GPR157: variants seen among roughly 807,000 people sequenced by gnomAD.
The protein encoded by GPR157 is G protein-coupled receptor 157, also known as G-protein coupled receptor 157.
GPR157 carries 16 observed loss-of-function variants against 23.5 expected under a neutral mutation model. That is an observed-to-expected ratio of 0.68 (90% CI 0.46 to 1.04). GPR157 has a LOEUF of 1.04. Ranked by LOEUF, GPR157 falls within the 50% of genes least tolerant of loss-of-function variation. GPR157 has a pLI of 0.00. For missense variants in GPR157, 440 were observed against 460.7 expected (o/e 0.96, Z 0.41); for synonymous variants, 200 against 221.5 (o/e 0.90, Z 0.86).
intron 2 of GPR157, among the ~76,000 whole-genome samples, chr1:9,110,653 T>G (rs1180018791): frequency 6.6e-6 from 1 of 152,194 alleles, no homozygotes; most frequent in African/African-American, 2.4e-5. Context: ...GTTCCACATG[T>G]GCAGACTGGG....
At chr1:9,104,704 TA>T (rs768193248) in intron 3 of GPR157, 70 bp from the exon 4 acceptor site, 5 of 1,191,602 alleles carry the variant, frequency 4.2e-6, no homozygotes, top group Non-Finnish European at 5.9e-6. Flanking sequence ...CTGTTGCAAT[TA>T]AGAGAAACGG....
intron 2 of GPR157, 106 bp downstream of exon 2, chr1:9,111,170 C>G: frequency 1.0e-6 from 1 of 1,001,514 alleles, no homozygotes; most frequent in East Asian, 2.6e-5. Flanking sequence ...TGGTTCTGTC[C>G]CCAGAGACGC....
chr1:9,115,299 A>C (rs1638612799), intron 1 of GPR157, among the ~76,000 whole-genome samples: 1 of 152,212 alleles, frequency 6.6e-6, no homozygotes, highest in South Asian at 2.1e-4. Context: ...TTTATAAATA[A>C]TAATAAAGTA....
chr1:9,112,517 A>G (rs918429260), intron 1 of GPR157, among the ~76,000 whole-genome samples: 30 of 152,276 alleles, frequency 2.0e-4, no homozygotes, highest in African/African-American at 7.2e-4. Context: ...CAGTGGCACA[A>G]TCTCAGCTCA....
At chr1:9,106,761 C>T (rs941386754) in intron 2 of GPR157, among the ~76,000 whole-genome samples, 6 of 152,084 alleles carry the variant, frequency 3.9e-5, no homozygotes, top group Admixed American at 1.3e-4. Context: ...GTCAGGAGTT[C>T]GAGACCAGAC....
Position 9,107,569 on chromosome 1 carries a change from G to A in GPR157, c.598-1889C>T, listed in dbSNP as rs559176008. 2.0e-5 allele frequency among the ~76,000 whole-genome samples: 3 copies of A among 152,126 alleles called. No homozygotes were observed. The South Asian group carries it at 6.2e-4, about 32-fold the overall frequency. On this transcript the variant is annotated intron_variant, in intron 2 of 3. Transcript: ENST00000377411. ...GGAGGCTGAGGCGGGCAGATTACTT[G>A]AGGCCAGGTGTTCAAAACCAGCCTG...
Position 9,118,658 on chromosome 1 carries a change from T to G in GPR157, c.384-7169A>C, listed in dbSNP as rs1638736255. Among the ~76,000 whole-genome samples, 1 of 152,164 alleles carries G rather than the reference T, an allele frequency of 6.6e-6. No homozygotes were observed. Among genetic ancestry groups the G allele is most frequent in the South Asian group, 2.1e-4 (1 of 4,838 alleles). On this transcript the variant is annotated intron_variant, in intron 1 of 3. Transcript: ENST00000377411. This position sits in a 1 kb window ranked among gnomAD's most constrained non-coding sequence, Gnocchi z 4.6. The stretch of plus-strand genomic sequence containing the variant: ...CCAGAACCTCAGAATGTGAGTGTAT[T>G]TGAGAGATAGGGTCTTTCAAGAGGT...
intron 1 of GPR157, among the ~76,000 whole-genome samples, chr1:9,119,644 G>T (rs1250867668): frequency 1.3e-5 from 2 of 152,056 alleles, no homozygotes; most frequent in African/African-American, 4.8e-5. Context: ...CAGCTCCTAG[G>T]GCCCCCAATC....
At chr1:9,110,630 G>A (rs1638462522) in intron 2 of GPR157, among the ~76,000 whole-genome samples, 1 of 152,216 alleles carries the variant, frequency 6.6e-6, no homozygotes, top group Non-Finnish European at 1.5e-5. Context: ...TTGTGGCCAG[G>A]AGGAAGCCCC....
chr1:9,125,728 C>A (rs1017954073), intron 1 of GPR157, among the ~76,000 whole-genome samples: 6 of 152,176 alleles, frequency 3.9e-5, no homozygotes, highest in South Asian at 2.1e-4. Flanking sequence ...CCTGTTCCCC[C>A]ACTGTTGGAC....
rs1403565257 is a variant in GPR157, at chr1:9,121,819, G to A, written c.383+6826C>T. On this transcript the variant is annotated intron_variant, in intron 1 of 3. Coordinates refer to ENST00000377411, the MANE Select transcript of GPR157 (RefSeq NM_024980.5). ...AACCCTAGAGGGTGGATGAACGTGTGTGTGAGAGGCACGGGGGCTAGACCC... is the reference window on the plus strand; with the variant it reads ...AACCCTAGAGGGTGGATGAACGTGTATGTGAGAGGCACGGGGGCTAGACCC... 2.0e-5 allele frequency among the ~76,000 whole-genome samples: 3 copies of A among 152,160 alleles called. No individual in the cohort carries two copies. In the East Asian group the frequency reaches 5.8e-4, roughly 29 times the overall value.
intron 1 of GPR157, among the ~76,000 whole-genome samples, chr1:9,113,399 T>C (rs935719693): frequency 6.6e-6 from 1 of 152,120 alleles, no homozygotes; most frequent in Admixed American, 6.5e-5. Flanking sequence ...GCTGCAGGGC[T>C]GGCAGAGCAG....
Position 9,104,268 on chromosome 1 carries a change from T to C in GPR157, c.*151A>G, listed in dbSNP as rs2124504601. The C allele has an allele frequency of 1.6e-6, 1 of 619,018 alleles. No homozygotes were observed. The highest frequency in any genetic ancestry group is 2.0e-5 in the South Asian group (1 of 48,996). The allele number at this position is 619,018 out of a possible 1,614,324, so 38.3% of individuals were successfully genotyped here. A position where few individuals can be genotyped will look rare whatever the true frequency, so the allele number is the denominator to read the frequency against. On this transcript the variant is annotated 3_prime_UTR_variant, in exon 4 of 4. Coordinates refer to ENST00000377411, the MANE Select transcript of GPR157 (RefSeq NM_024980.5). ...ATCTAGGAGGTAGAAGAAGCTGAGTTGGCAGCTGCTCTCCCAATGGAGCCG... is the reference window on the plus strand; with the variant it reads ...ATCTAGGAGGTAGAAGAAGCTGAGTCGGCAGCTGCTCTCCCAATGGAGCCG...
At chr1:9,115,902 C>T (rs1638624703) in intron 1 of GPR157, among the ~76,000 whole-genome samples, 2 of 149,416 alleles carry the variant, frequency 1.3e-5, no homozygotes, top group Admixed American at 6.9e-5. Context: ...GATTGTCTAC[C>T]GCTGCTTTCA....
At chr1:9,114,074 C>T (rs995004085) in intron 1 of GPR157, among the ~76,000 whole-genome samples, 2 of 150,538 alleles carry the variant, frequency 1.3e-5, no homozygotes, top group Non-Finnish European at 3.0e-5. Context: ...AATCCCAGGA[C>T]TTTTGGGACT....
rs1041568961 is a variant in GPR157, at chr1:9,118,402, G to A, written c.384-6913C>T. Among the ~76,000 whole-genome samples the A allele has an allele frequency of 6.6e-6, 1 of 152,154 alleles. No homozygotes were observed. Among genetic ancestry groups the A allele is most frequent in the Non-Finnish European group, 1.5e-5 (1 of 68,016 alleles). On this transcript the variant is annotated intron_variant, in intron 1 of 3. Coordinates refer to ENST00000377411, the MANE Select transcript of GPR157 (RefSeq NM_024980.5). This position sits in a 1 kb window ranked among gnomAD's most constrained non-coding sequence, Gnocchi z 4.6. ...TAAACCTGTGACTCTGAGGCTGGGAGGAGGCCAAGCTGAGCCTGCCTGGAC... is the reference window on the plus strand; with the variant it reads ...TAAACCTGTGACTCTGAGGCTGGGAAGAGGCCAAGCTGAGCCTGCCTGGAC...
intron 1 of GPR157, among the ~76,000 whole-genome samples, chr1:9,125,007 G>A (rs1638934562): frequency 6.6e-6 from 1 of 152,086 alleles, no homozygotes; most frequent in East Asian, 1.9e-4. Context: ...CACCGCGGGC[G>A]ACCCCCCTGT....
At position 9,105,996 on chromosome 1, in the gene GPR157, T is replaced by C. The variant is rs1395215946; in HGVS notation, c.598-316A>G. Among the ~76,000 whole-genome samples the C allele has an allele frequency of 2.2e-4, 33 of 152,158 alleles. No individual in the cohort carries two copies. Among genetic ancestry groups the C allele is most frequent in the Admixed American group, 2.0e-3 (31 of 15,280 alleles). On this transcript the variant is annotated intron_variant, in intron 2 of 3. Coordinates refer to ENST00000377411, the MANE Select transcript of GPR157 (RefSeq NM_024980.5). This position sits in a 1 kb window ranked among gnomAD's most constrained non-coding sequence, Gnocchi z 4.8. ...CTTTCTCGTTGCCCAGGCCAAAGCCTTGGGGCTCTGTTTTGACCCCTTTCT... is the reference window on the plus strand; with the variant it reads ...CTTTCTCGTTGCCCAGGCCAAAGCCCTGGGGCTCTGTTTTGACCCCTTTCT...
chr1:9,119,691 C>T (rs898343871), intron 1 of GPR157, among the ~76,000 whole-genome samples: 54 of 152,290 alleles, frequency 3.5e-4, no homozygotes, highest in African/African-American at 1.2e-3. Flanking sequence ...TCCCTACCCC[C>T]ACAATGCCCA....
Sources: gnomAD v4.1 joint callset for allele counts (sites outside exome capture counted in the v4.1 genomes callset) on GRCh38, gnomAD v4.1.1 for gene constraint, Gnocchi (gnomAD v3.1) non-coding constraint, MANE v1.5 for transcripts, NCBI Gene and HGNC (gene_info 2026-07-23, HGNC 2026-07-21) for gene names.